Variants in DCAF16 observed in about 807,000 individuals in gnomAD.
DCAF16 encodes DDB1- and CUL4-associated factor 16.
Under a neutral mutation model 17.3 loss-of-function variants are expected in DCAF16, and 10 were observed. The ratio of observed to expected loss-of-function variants is 0.58; its 90% confidence interval spans 0.36 to 0.98. The LOEUF (loss-of-function observed/expected upper bound fraction) is 0.98. DCAF16 is among the 50% of genes least tolerant of loss of function. DCAF16 has a pLI of 0.01. For synonymous variants in DCAF16, 111 were observed against 92.8 expected (o/e 1.20, Z -1.12); for missense variants, 249 against 247.6 (o/e 1.01, Z -0.04).
intron 1 of DCAF16, chr4:17,809,687 A>G (rs539213454): frequency 6.6e-6 from 1 of 152,282 alleles, no homozygotes; most frequent in East Asian, 1.9e-4. Context: ...TGGGTTACAA[A>G]TTAACCTGAC....
chr4:17,802,265 C>T lies in DCAF16; in HGVS notation c.*1226G>A, dbSNP rs1719861831. 1 of 152,556 alleles carries T rather than the reference C, an allele frequency of 6.6e-6. No homozygotes were observed. The highest frequency in any genetic ancestry group is 6.5e-5 in the Admixed American group (1 of 15,268). 9.5% of individuals were successfully genotyped at this position (152,556 alleles called of 1,614,324 possible). A position where few individuals can be genotyped will look rare whatever the true frequency, so the allele number is the denominator to read the frequency against. On this transcript the variant is annotated 3_prime_UTR_variant, in exon 3 of 3. Transcript: ENST00000382247. ...ATGCTCTCTTAATCATTTTTCCATTCATCTTTTGAAATGTTATTTACTCTT... is the reference window on the plus strand; with the variant it reads ...ATGCTCTCTTAATCATTTTTCCATTTATCTTTTGAAATGTTATTTACTCTT...
chr4:17,794,283 C>T, the DCAF16 span, among the ~76,000 whole-genome samples: 1 of 152,120 alleles, frequency 6.6e-6, no homozygotes, highest in Non-Finnish European at 1.5e-5. Context: ...GAAGTCTAAA[C>T]ATGAAATTCA....
At chr4:17,794,959 C>G in the DCAF16 span, among the ~76,000 whole-genome samples, 69 of 152,298 alleles carry the variant, frequency 4.5e-4, no homozygotes, top group African/African-American at 1.7e-3. Context: ...TGGGACTTTC[C>G]TCGTTTTCCT....
At position 17,803,919 on chromosome 4, in the gene DCAF16, AC is replaced by A. The variant is rs762154142; in HGVS notation, c.222del (p.Trp74CysfsTer20). ...GGATCCAACAGTTTAGCATGATACA[AC>A]CAGGAATTAGGATTTAAAGGTTTCC... The part of the protein sequence containing the change: ...TTWKPLNPNS[W>X]LYHAKLLDPS... On this transcript the variant is annotated frameshift_variant, in exon 3 of 3. Coordinates refer to ENST00000382247, the MANE Select transcript of DCAF16 (RefSeq NM_017741.4). LOFTEE classifies it high-confidence loss of function. The A allele has an allele frequency of 6.2e-7, 1 of 1,614,194 alleles. No individual in the cohort carries two copies. Among genetic ancestry groups the A allele is most frequent in the South Asian group, 1.1e-5 (1 of 91,090 alleles).
At position 17,801,904 on chromosome 4, in the gene DCAF16, C is replaced by T. The variant is rs1719825874; in HGVS notation, c.*1587G>A. ...GGATCACGAGGTCAGGAGATCAAGACCATCCTGGCTAACACGGTGAAACCC... is the reference window on the plus strand; with the variant it reads ...GGATCACGAGGTCAGGAGATCAAGATCATCCTGGCTAACACGGTGAAACCC... On this transcript the variant is annotated 3_prime_UTR_variant, in exon 3 of 3. Coordinates refer to ENST00000382247, the MANE Select transcript of DCAF16 (RefSeq NM_017741.4). 6.6e-6 allele frequency: 1 copy of T among 152,128 alleles called. No homozygotes were observed. 9.4% of individuals were successfully genotyped at this position (152,128 alleles called of 1,614,324 possible). A position where few individuals can be genotyped will look rare whatever the true frequency, so the allele number is the denominator to read the frequency against.
intron 1 of DCAF16, chr4:17,809,675 G>C (rs1053372697): frequency 8.5e-5 from 13 of 152,060 alleles, no homozygotes; most frequent in African/African-American, 3.1e-4. Flanking sequence ...AGGTTCTTTG[G>C]CTGGGTTACA....
rs1720818003 is a variant in DCAF16, at chr4:17,810,523, C to T, written c.-826G>A. On this transcript the variant is annotated 5_prime_UTR_variant, in exon 1 of 3. Transcript: ENST00000382247. The stretch of plus-strand genomic sequence containing the variant: ...GTGGCCGGGCCTCCGGAACGCGCTA[C>T]GAACTTTCCTTTGTCGCCGTCTCTC... 1 of 152,348 alleles carries T rather than the reference C, an allele frequency of 6.6e-6. No individual in the cohort carries two copies. Among genetic ancestry groups the T allele is most frequent in the Non-Finnish European group, 1.5e-5 (1 of 68,106 alleles). The allele number at this position is 152,348 out of a possible 1,614,324, so 9.4% of individuals were successfully genotyped here.
Position 17,803,762 on chromosome 4 carries a change from G to A in DCAF16, c.380C>T (p.Pro127Leu). ...AGAGAGCCGGCTGGGACTTGTAAGAGGCTTTTGAAAAGGTGGGACTCCACA... is the reference window on the plus strand; with the variant it reads ...AGAGAGCCGGCTGGGACTTGTAAGAAGCTTTTGAAAAGGTGGGACTCCACA... ...ASCGVPPFQK[P>L]LTSPSRLSRD... Residue 127 changes from proline (P) to leucine (L), a missense_variant, in exon 3 of 3, where the codon CCT (proline) becomes CTT (leucine). By Grantham distance (98) the Pro-to-Leu change is moderately conservative (BLOSUM62 -3). Transcript: ENST00000382247. The A allele has an allele frequency of 6.2e-7, 1 of 1,614,142 alleles. No homozygotes were observed. Among genetic ancestry groups the A allele is most frequent in the Non-Finnish European group, 8.5e-7 (1 of 1,180,028 alleles).
chr4:17,810,144 CAGA>C (rs1027331767), intron 1 of DCAF16, among the ~76,000 whole-genome samples: 3 of 152,178 alleles, frequency 2.0e-5, no homozygotes, highest in African/African-American at 7.2e-5. Flanking sequence ...TGAGATCCAA[CAGA>C]AGTTCTGTCT....
chr4:17,799,194 TTGAAGTCTGCCCTCCA>T (rs1406024916), downstream of DCAF16, among the ~76,000 whole-genome samples: 1 of 152,204 alleles, frequency 6.6e-6, no homozygotes, highest in African/African-American at 2.4e-5. Flanking sequence ...GGGGGTTTAA[TTGAAGTCTGCCCTCCA>T]GATGAATCTT....
In DCAF16 at chr4:17,804,132, T is replaced by C. The variant is rs761473127; in HGVS notation, c.10A>G (p.Arg4Gly). The C allele has an allele frequency of 2.5e-6, 4 of 1,613,100 alleles. No homozygotes were observed. Among genetic ancestry groups the C allele is most frequent in the South Asian group, 2.2e-5 (2 of 90,966 alleles). Residue 4 changes from arginine to glycine, a missense_variant, in exon 3 of 3, where the codon AGA becomes GGA. By Grantham distance (125) the Arg-to-Gly change is moderately radical (BLOSUM62 -2). Transcript: ENST00000382247. ...GACAAGTGGTCAGGAGAGGGATTTC[T>C]AGGACCCATCAGAATAAAACACAGT... is the stretch of plus-strand genomic sequence containing the variant. The part of the protein sequence containing the change: MGP[R>G]NPSPDHLSES...
In DCAF16 at chr4:17,803,394, G is replaced by A. The variant is rs1719974745; in HGVS notation, c.*97C>T. Reference sequence around the variant, plus strand: ...CATTGGCTTGCCAGGGCATAAGAGAGTTTGACTGAGAAGGCATTAGTGGGC... The same window carrying A: ...CATTGGCTTGCCAGGGCATAAGAGAATTTGACTGAGAAGGCATTAGTGGGC... On this transcript the variant is annotated 3_prime_UTR_variant, in exon 3 of 3. Transcript: ENST00000382247. 3.0e-5 allele frequency: 35 copies of A among 1,185,618 alleles called. 1 individual carries two copies. Among genetic ancestry groups the A allele is most frequent in the Non-Finnish European group, 4.3e-5 (35 of 818,930 alleles). The allele number at this position is 1,185,618 out of a possible 1,614,324, so 73.4% of individuals were successfully genotyped here. A position where few individuals can be genotyped will look rare whatever the true frequency, so the allele number is the denominator to read the frequency against.
At position 17,803,353 on chromosome 4, in the gene DCAF16, T is replaced by G. The variant is rs1456373620; in HGVS notation, c.*138A>C. ...ATATTATCATTTTATCCACAGGGTTTGTCAAAGGGTATCCTCATTGGCTTG... is the reference window on the plus strand; with the variant it reads ...ATATTATCATTTTATCCACAGGGTTGGTCAAAGGGTATCCTCATTGGCTTG... On this transcript the variant is annotated 3_prime_UTR_variant, in exon 3 of 3. Coordinates refer to ENST00000382247, the MANE Select transcript of DCAF16 (RefSeq NM_017741.4). 2 of 790,106 alleles carry G rather than the reference T, an allele frequency of 2.5e-6. No homozygotes were observed. Among genetic ancestry groups the G allele is most frequent in the African/African-American group, 3.5e-5 (2 of 57,374 alleles). The allele number at this position is 790,106 out of a possible 1,614,324, so 48.9% of individuals were successfully genotyped here. A position where few individuals can be genotyped will look rare whatever the true frequency, so the allele number is the denominator to read the frequency against.
chr4:17,806,755 T>A (rs1262289427), intron 1 of DCAF16, among the ~76,000 whole-genome samples: 2 of 152,198 alleles, frequency 1.3e-5, no homozygotes, highest in Non-Finnish European at 2.9e-5. Context: ...GTAAGGGAGT[T>A]CCTATTCTTC....
chr4:17,807,195 A>T, intron 1 of DCAF16, among the ~76,000 whole-genome samples: 1 of 152,220 alleles, frequency 6.6e-6, no homozygotes, highest in East Asian at 1.9e-4. Context: ...GACTTCTTAA[A>T]CAAAAAAGCA....
In DCAF16 at chr4:17,803,480, A is replaced by C; in HGVS notation, c.*11T>G. 6.2e-7 allele frequency: 1 copy of C among 1,608,420 alleles called. No homozygotes were observed. Among genetic ancestry groups the C allele is most frequent in the Non-Finnish European group, 8.5e-7 (1 of 1,175,858 alleles). On this transcript the variant is annotated 3_prime_UTR_variant, in exon 3 of 3. Coordinates refer to ENST00000382247, the MANE Select transcript of DCAF16 (RefSeq NM_017741.4). ...AGCAACATCAGAGATATCAGAGCAA[A>C]TGGTAGATCTTTACAGTGATGCAGT...
rs1719971333 is a variant in DCAF16, at chr4:17,803,354, G to A, written c.*137C>T. ...TATTATCATTTTATCCACAGGGTTT[G>A]TCAAAGGGTATCCTCATTGGCTTGC... On this transcript the variant is annotated 3_prime_UTR_variant, in exon 3 of 3. Coordinates refer to ENST00000382247, the MANE Select transcript of DCAF16 (RefSeq NM_017741.4). 1 of 812,024 alleles carries A rather than the reference G, an allele frequency of 1.2e-6. No homozygotes were observed. The highest frequency in any genetic ancestry group is 2.3e-5 in the Admixed American group (1 of 42,680). 50.3% of individuals were successfully genotyped at this position (812,024 alleles called of 1,614,324 possible).
At position 17,804,190 on chromosome 4, in the gene DCAF16, GCAGAA is replaced by G. The variant is rs143189336; in HGVS notation, c.-54_-50del. 5.5e-3 allele frequency: 8,019 copies of G among 1,463,438 alleles called. 371 individuals are homozygous for G. The African/African-American group carries it at 0.1, about 18-fold the overall frequency. 90.7% of individuals were successfully genotyped at this position (1,463,438 alleles called of 1,614,324 possible). On this transcript the variant is annotated 5_prime_UTR_variant, in exon 3 of 3. Transcript: ENST00000382247. Reference sequence around the variant, plus strand: ...CAGAAAAAGGTAATAATCTAAGCCAGCAGAACACTGACTAACACTGGCAAATAGAA... The same window carrying G: ...CAGAAAAAGGTAATAATCTAAGCCAGCACTGACTAACACTGGCAAATAGAA...
chr4:17,795,388 G>A, the DCAF16 span, among the ~76,000 whole-genome samples: 1 of 152,084 alleles, frequency 6.6e-6, no homozygotes, highest in Non-Finnish European at 1.5e-5. Context: ...GCACTTAGTG[G>A]ACCCTTTTAA....
Sources: gnomAD v4.1 joint callset for allele counts (sites outside exome capture counted in the v4.1 genomes callset) on GRCh38, gnomAD v4.1.1 for gene constraint, MANE v1.5 for transcripts, NCBI Gene and HGNC (gene_info 2026-07-23, HGNC 2026-07-21) for gene names.